The following FAM210A variants were observed in gnomAD, a reference collection of about 807,000 sequenced individuals.
FAM210A encodes the protein mitochondrial inner membrane scaffold 1, also known as family with sequence similarity 210 member A.
A neutral mutation model predicts 25.3 loss-of-function variants in FAM210A; 13 were observed. The ratio of observed to expected loss-of-function variants is 0.51; its 90% CI spans 0.33 to 0.82. The LOEUF (loss-of-function observed/expected upper bound fraction) is 0.82, where lower values mean the gene tolerates loss of function less well. FAM210A is among the 40% of genes least tolerant of loss of function. The pLI, the probability that FAM210A is intolerant of heterozygous loss-of-function variation, is 0.02. For missense variants in FAM210A, 319 were observed against 323.2 expected, an observed-to-expected ratio of 0.99 and a Z score of 0.10; for synonymous variants, 125 against 118.7, an observed-to-expected ratio of 1.05 and a Z score of -0.35.
chr18:13,683,696 A>G (rs1484962558), intron 1 of FAM210A, among the ~76,000 whole-genome samples: 1 of 151,932 alleles, frequency 6.6e-6, no homozygotes, highest in Non-Finnish European at 1.5e-5. Flanking sequence ...CCTTCCTTCA[A>G]CATCAGGTGG....
At chr18:13,708,670 G>C (rs1038329995) in intron 1 of FAM210A, among the ~76,000 whole-genome samples, 3 of 152,164 alleles carry the variant, frequency 2.0e-5, no homozygotes, top group Non-Finnish European at 4.4e-5. Context: ...AGCTTCTTCA[G>C]CAATTCATTT....
At chr18:13,696,968 T>G (rs2043699599) in intron 1 of FAM210A, among the ~76,000 whole-genome samples, 1 of 152,196 alleles carries the variant, frequency 6.6e-6, no homozygotes. Flanking sequence ...GGTGTATCAT[T>G]TTTTATACTG....
chr18:13,672,178 C>T (rs1008904934), intron 2 of FAM210A, among the ~76,000 whole-genome samples: 1 of 152,146 alleles, frequency 6.6e-6, no homozygotes, highest in Non-Finnish European at 1.5e-5. Context: ...TCACATCACA[C>T]GGTATCTTAT....
rs2043949944 is a variant in FAM210A, at chr18:13,726,389, T to G, written c.-89A>C. ...GCCGCGCAGGCTGGACCACAGCTCCTCGGATGCCACGGCGGTGTCACTCAG... is the reference window on the plus strand; with the variant it reads ...GCCGCGCAGGCTGGACCACAGCTCCGCGGATGCCACGGCGGTGTCACTCAG... On this transcript the variant is annotated 5_prime_UTR_variant, in exon 1 of 4. Coordinates refer to ENST00000651643, the MANE Select transcript of FAM210A (RefSeq NM_152352.4). 6.5e-6 allele frequency: 1 copy of G among 153,322 alleles called. No individual in the cohort carries two copies. Among genetic ancestry groups the G allele is most frequent in the African/African-American group, 2.4e-5 (1 of 41,438 alleles). The allele number at this position is 153,322 out of a possible 1,614,324, so 9.5% of individuals were successfully genotyped here. A position where few individuals can be genotyped will look rare whatever the true frequency, so the allele number is the denominator to read the frequency against.
At chr18:13,698,351 CAAAAAA>C (rs11464991) in intron 1 of FAM210A, among the ~76,000 whole-genome samples, 2 of 72,952 alleles carry the variant, frequency 2.7e-5, no homozygotes, top group Non-Finnish European at 5.1e-5. Flanking sequence ...GACTCCATCT[CAAAAAA>C]AAAAAAAAAA....
At chr18:13,688,777 T>C (rs778643420) in intron 1 of FAM210A, among the ~76,000 whole-genome samples, 1 of 152,270 alleles carries the variant, frequency 6.6e-6, no homozygotes, top group Non-Finnish European at 1.5e-5. Flanking sequence ...TCTAGGGCCT[T>C]GGGGTTGCAG....
At chr18:13,693,471 T>C (rs952842273) in intron 1 of FAM210A, among the ~76,000 whole-genome samples, 20 of 152,214 alleles carry the variant, frequency 1.3e-4, no homozygotes, top group Non-Finnish European at 2.8e-4. Context: ...ATATCCCTGA[T>C]GAACATCGAT....
chr18:13,671,901 G>C lies in FAM210A; in HGVS notation c.546C>G (p.Ser182=), dbSNP rs2149051791. The C allele has an allele frequency of 6.2e-7, 1 of 1,613,514 alleles. No homozygotes were observed. The highest frequency in any genetic ancestry group is 2.2e-5 in the East Asian group (1 of 44,854). The change falls in exon 3 of 4, where the codon TCC becomes TCG. Residue 182 remains serine, a synonymous_variant. Coordinates refer to ENST00000651643, the MANE Select transcript of FAM210A (RefSeq NM_152352.4). ...PDSVVSILKN[S]QSGNALTAYA... ...ATGCTGTGAGGGCATTTCCACTCTGGGAGTTTTTCAGGATGCTTACCACAC... is the reference window on the plus strand; with the variant it reads ...ATGCTGTGAGGGCATTTCCACTCTGCGAGTTTTTCAGGATGCTTACCACAC...
chr18:13,714,702 G>C (rs1162560253), intron 1 of FAM210A, among the ~76,000 whole-genome samples: 1 of 152,082 alleles, frequency 6.6e-6, no homozygotes, highest in African/African-American at 2.4e-5. Flanking sequence ...TTTAGATCCT[G>C]GATTACTGCT....
At chr18:13,712,196 T>A (rs1391196790) in intron 1 of FAM210A, among the ~76,000 whole-genome samples, 1 of 152,252 alleles carries the variant, frequency 6.6e-6, no homozygotes, top group African/African-American at 2.4e-5. Context: ...ATTAAATTCC[T>A]TACATGAACT....
At chr18:13,714,047 T>G (rs1464516895) in intron 1 of FAM210A, among the ~76,000 whole-genome samples, 1 of 152,188 alleles carries the variant, frequency 6.6e-6, no homozygotes, top group Non-Finnish European at 1.5e-5. Flanking sequence ...CGTAAAACAG[T>G]TACAAAAGAA....
intron 2 of FAM210A, among the ~76,000 whole-genome samples, chr18:13,679,501 T>C (rs1313172026): frequency 6.6e-6 from 1 of 152,208 alleles, no homozygotes; most frequent in Non-Finnish European, 1.5e-5. Flanking sequence ...GATCTTCATA[T>C]AGAATAAATT....
chr18:13,706,074 T>C lies in FAM210A; in HGVS notation c.-29+20255A>G, dbSNP rs1007469125. Among the ~76,000 whole-genome samples, 19 of 152,304 alleles carry C rather than the reference T, an allele frequency of 1.2e-4. No homozygotes were observed. The East Asian group carries it at 3.3e-3, about 26-fold the overall frequency. ...ATATTCTGAGGACATCAGAGAAAGA[T>C]TGTCCTTGCTATCCATACTGCAGCA... On this transcript the variant is annotated intron_variant, in intron 1 of 3. Coordinates refer to ENST00000651643, the MANE Select transcript of FAM210A (RefSeq NM_152352.4).
At chr18:13,672,268 C>T (rs2043449476) in intron 2 of FAM210A, among the ~76,000 whole-genome samples, 1 of 152,180 alleles carries the variant, frequency 6.6e-6, no homozygotes, top group African/African-American at 2.4e-5. Flanking sequence ...ATAAAATTAA[C>T]AGCTTTAAAT....
At chr18:13,705,115 A>G (rs915996782) in intron 1 of FAM210A, among the ~76,000 whole-genome samples, 1 of 152,240 alleles carries the variant, frequency 6.6e-6, no homozygotes, top group Admixed American at 6.5e-5. Flanking sequence ...CCAAGTAGAC[A>G]GAAATTAATT....
chr18:13,703,328 A>C (rs1360082901), intron 1 of FAM210A, among the ~76,000 whole-genome samples: 2 of 152,216 alleles, frequency 1.3e-5, no homozygotes, highest in Non-Finnish European at 2.9e-5. Context: ...GAAACCTAGG[A>C]AGTATGGAGA....
chr18:13,675,018 C>T lies in FAM210A; in HGVS notation c.474-3045G>A, dbSNP rs1241762120. ...TCCTGTTTCCTGATTATTAACATTC[C>T]TGAGCCCTGGCTTCTTTATTTCCTG... is the stretch of plus-strand genomic sequence containing the variant. On this transcript the variant is annotated intron_variant, in intron 2 of 3. Coordinates refer to ENST00000651643, the MANE Select transcript of FAM210A (RefSeq NM_152352.4). 2.2e-5 allele frequency among the ~76,000 whole-genome samples: 3 copies of T among 135,556 alleles called. No individual in the cohort carries two copies. In the Admixed American group the frequency reaches 2.3e-4, roughly 10 times the overall value. The allele number at this position is 135,556 out of a possible 152,430, so 88.9% of individuals were successfully genotyped here.
At chr18:13,667,768 C>T (rs1220427459) in intron 3 of FAM210A, among the ~76,000 whole-genome samples, 3 of 149,688 alleles carry the variant, frequency 2.0e-5, no homozygotes, top group Non-Finnish European at 3.0e-5. Context: ...CAATGGCTCA[C>T]GCCTATAATC....
At chr18:13,708,375 G>A (rs1485027806) in intron 1 of FAM210A, among the ~76,000 whole-genome samples, 2 of 152,182 alleles carry the variant, frequency 1.3e-5, no homozygotes. Flanking sequence ...CAAGTCTGTT[G>A]TTCAAGAGTT....
Sources: allele counts gnomAD v4.1 joint callset (sites outside exome capture counted in the v4.1 genomes callset), GRCh38; gene constraint gnomAD v4.1.1; transcripts MANE v1.5; gene names NCBI Gene and HGNC (gene_info 2026-07-23, HGNC 2026-07-21).